CPED1: variants seen among roughly 807,000 people sequenced by gnomAD.
CPED1 encodes cadherin-like and PC-esterase domain-containing protein 1.
Under a neutral mutation model 128.2 loss-of-function variants are expected in CPED1, and 114 were observed. That is an observed-to-expected ratio of 0.89 (90% CI 0.76 to 1.04). CPED1 has a LOEUF of 1.04. Ranked by LOEUF, CPED1 falls within the 50% of genes least tolerant of loss-of-function variation. CPED1 has a pLI of 0.00. For synonymous variants in CPED1, 462 were observed against 426.7 expected (o/e 1.08, Z -1.02); for missense variants, 1,211 against 1,207.1 (o/e 1.00, Z -0.05).
Position 121,123,484 on chromosome 7 carries a change from A to G in CPED1, c.919-847A>G, listed in dbSNP as rs1268220853. Reference sequence around the variant, plus strand: ...ATATTTTTTGTTCTTCATCTTTAAAAGAGTATGTTTATCCAGAGAAAGTTT... The same window carrying G: ...ATATTTTTTGTTCTTCATCTTTAAAGGAGTATGTTTATCCAGAGAAAGTTT... On this transcript the variant is annotated intron_variant, in intron 7 of 22. Coordinates refer to ENST00000310396, the MANE Select transcript of CPED1 (RefSeq NM_024913.5). 3.3e-5 allele frequency among the ~76,000 whole-genome samples: 5 copies of G among 152,322 alleles called. No individual in the cohort carries two copies. The East Asian group carries it at 5.8e-4, about 18-fold the overall frequency.
intron 22 of CPED1, among the ~76,000 whole-genome samples, chr7:121,276,673 T>C (rs1386367574): frequency 6.6e-6 from 1 of 152,096 alleles, no homozygotes; most frequent in Non-Finnish European, 1.5e-5. Context: ...TGTTGAAGGA[T>C]GAACAGGACT....
chr7:121,186,608 T>C (rs1033075600), intron 16 of CPED1, among the ~76,000 whole-genome samples: 1 of 152,160 alleles, frequency 6.6e-6, no homozygotes, highest in Non-Finnish European at 1.5e-5. Context: ...TATAGATACC[T>C]GCAGTTTATT....
At chr7:121,272,577 A>G (rs1792255236) in intron 22 of CPED1, among the ~76,000 whole-genome samples, 2 of 152,064 alleles carry the variant, frequency 1.3e-5, no homozygotes, top group Non-Finnish European at 2.9e-5. Flanking sequence ...TTTGAAAAAT[A>G]TTCAAAATAG....
At chr7:121,062,237 AT>A (rs1793691642) in intron 4 of CPED1, among the ~76,000 whole-genome samples, 1 of 152,204 alleles carries the variant, frequency 6.6e-6, no homozygotes, top group Non-Finnish European at 1.5e-5. Context: ...ATTGTTAAGG[AT>A]TCTATTAATT....
At chr7:121,221,158 C>G (rs2116621693) in intron 16 of CPED1, among the ~76,000 whole-genome samples, 1 of 152,198 alleles carries the variant, frequency 6.6e-6, no homozygotes, top group Non-Finnish European at 1.5e-5. Flanking sequence ...GTTCCCTGCC[C>G]TGTGTCCAAG....
intron 10 of CPED1, among the ~76,000 whole-genome samples, chr7:121,127,775 C>T (rs1795543664): frequency 6.6e-6 from 1 of 152,012 alleles, no homozygotes; most frequent in Non-Finnish European, 1.5e-5. Flanking sequence ...ACCTCGTGAT[C>T]CGCCTGCCTC....
At chr7:121,112,209 A>G (rs1795128571) in intron 7 of CPED1, among the ~76,000 whole-genome samples, 1 of 152,174 alleles carries the variant, frequency 6.6e-6, no homozygotes, top group Admixed American at 6.5e-5. Flanking sequence ...TGTCCCCATA[A>G]GGATATGTCC....
Position 121,015,831 on chromosome 7 carries a change from C to A in CPED1, c.416C>A (p.Pro139Gln). The A allele has an allele frequency of 6.4e-7, 1 of 1,557,956 alleles. No homozygotes were observed. Among genetic ancestry groups the A allele is most frequent in the Non-Finnish European group, 8.6e-7 (1 of 1,158,776 alleles). ...GAAAGGCTCAATGCTGGCCTAGGGC[C>A]GGGGCTACTAGAACAAGGTCAGAAT... ...AEERLNAGLG[P>Q]GLLEQGDLGS... Residue 139 changes from proline (P) to glutamine (Q), a missense_variant, in exon 3 of 23, where the codon CCG becomes CAG. Physicochemically the swap from Pro to Gln is moderately conservative, Grantham distance 76 (BLOSUM62 -1). Coordinates refer to ENST00000310396, the MANE Select transcript of CPED1 (RefSeq NM_024913.5).
At chr7:121,135,079 A>T (rs1194368144) in intron 13 of CPED1, among the ~76,000 whole-genome samples, 2 of 151,976 alleles carry the variant, frequency 1.3e-5, no homozygotes, top group Non-Finnish European at 2.9e-5. Context: ...ATTCTTTATG[A>T]TCTATTGTTA....
At chr7:121,120,966 TAA>T (rs539242359) in intron 7 of CPED1, among the ~76,000 whole-genome samples, 1,925 of 91,696 alleles carry the variant, frequency 0.021, 29 homozygotes, top group African/African-American at 0.067. Context: ...GTTCCTGACC[TAA>T]AAAAAAAAAA....
intron 5 of CPED1, among the ~76,000 whole-genome samples, chr7:121,088,693 G>A (rs1467436773): frequency 4.5e-5 from 6 of 132,022 alleles, no homozygotes; most frequent in East Asian, 4.7e-4. Context: ...TGAATGTAAC[G>A]TCCTGGCTTA....
At chr7:121,047,671 T>C (rs1448312755) in intron 4 of CPED1, among the ~76,000 whole-genome samples, 439 of 11,324 alleles carry the variant, frequency 0.039, 5 homozygotes, top group African/African-American at 0.087. Context: ...CTTCTTCTTC[T>C]TCTTCTTCTT....
At chr7:120,999,213 A>G (rs1791759377) in intron 2 of CPED1, among the ~76,000 whole-genome samples, 1 of 152,134 alleles carries the variant, frequency 6.6e-6, no homozygotes, top group Non-Finnish European at 1.5e-5. Context: ...TTTTTCCTGT[A>G]CAAGTATCCC....
At chr7:121,110,570 A>G (rs1795085365) in intron 7 of CPED1, among the ~76,000 whole-genome samples, 2 of 152,178 alleles carry the variant, frequency 1.3e-5, no homozygotes, top group East Asian at 1.9e-4. Flanking sequence ...CAAAGGTAGG[A>G]GAGTCTTCAC....
intron 5 of CPED1, among the ~76,000 whole-genome samples, chr7:121,072,444 A>G (rs1406216876): frequency 7.1e-6 from 1 of 141,760 alleles, no homozygotes; most frequent in Admixed American, 7.6e-5. Context: ...AGAATCTAGG[A>G]TAAATTTCCA....
chr7:121,204,477 T>C (rs532568743), intron 16 of CPED1, among the ~76,000 whole-genome samples: 2 of 152,236 alleles, frequency 1.3e-5, no homozygotes, highest in Admixed American at 1.3e-4. Flanking sequence ...CAGGCAGCCA[T>C]ATGTCAGACT....
rs146997915 is a variant in CPED1 at position 121,141,346 on chromosome 7, G to A, written c.1886+333G>A. Among the ~76,000 whole-genome samples the A allele has an allele frequency of 4.8e-3, 724 of 152,010 alleles. 5 individuals are homozygous for A. Among genetic ancestry groups the A allele is most frequent in the African/African-American group, 0.016 (684 of 41,506 alleles). ...AAAAATTGATTGCTTAAACCAATTG[G>A]TGCACAATTTGTGGACACAGTACCC... On this transcript the variant is annotated intron_variant, in intron 15 of 22. Coordinates refer to ENST00000310396, the MANE Select transcript of CPED1 (RefSeq NM_024913.5).
At chr7:121,070,091 C>T (rs1254838341) in intron 5 of CPED1, among the ~76,000 whole-genome samples, 1 of 151,246 alleles carries the variant, frequency 6.6e-6, no homozygotes, top group Non-Finnish European at 1.5e-5. Context: ...GGTAAAAACA[C>T]CTTTTGTTGT....
intron 3 of CPED1, among the ~76,000 whole-genome samples, chr7:121,046,646 T>C (rs1585037444): frequency 6.6e-6 from 1 of 152,062 alleles, no homozygotes; most frequent in South Asian, 2.1e-4. Context: ...TTATAATATG[T>C]ATAATATAGA....
Sources: gnomAD v4.1 joint callset for allele counts (sites outside exome capture counted in the v4.1 genomes callset) on GRCh38, gnomAD v4.1.1 for gene constraint, MANE v1.5 for transcripts, NCBI Gene and HGNC (gene_info 2026-07-23, HGNC 2026-07-21) for gene names.